PIM1: variants seen among roughly 807,000 people sequenced by gnomAD.
The protein encoded by PIM1 is Pim-1 proto-oncogene, serine/threonine kinase, also known as serine/threonine-protein kinase pim-1.
A neutral mutation model predicts 34.5 loss-of-function variants in PIM1; 9 were observed. That is an observed-to-expected ratio of 0.26 (90% CI 0.16 to 0.46). PIM1 has a LOEUF of 0.46. PIM1 is among the 20% of genes least tolerant of loss of function. The pLI, the probability that PIM1 is intolerant of heterozygous loss-of-function variation, is 1.00. For synonymous variants in PIM1, 199 were observed against 175.2 expected, an observed-to-expected ratio of 1.14 and a Z score of -1.07; for missense variants, 274 against 410.9, an observed-to-expected ratio of 0.67 and a Z score of 2.88.
At chr6:37,173,795 C>A in intron 5 of PIM1, 139 bp from the exon 6 acceptor site, 1 of 665,592 alleles carries the variant, frequency 1.5e-6, no homozygotes, top group Non-Finnish European at 2.5e-6. Context: ...TTGAAGGGTA[C>A]CCAGCACAGT....
chr6:37,175,123 G>A lies in PIM1; in HGVS notation c.*1032G>A, dbSNP rs1223782334. 1.7e-5 allele frequency: 4 copies of A among 233,434 alleles called. No individual in the cohort carries two copies. Among genetic ancestry groups the A allele is most frequent in the African/African-American group, 8.8e-5 (4 of 45,310 alleles). The allele number at this position is 233,434 out of a possible 1,614,324, so 14.5% of individuals were successfully genotyped here. On this transcript the variant is annotated 3_prime_UTR_variant, in exon 6 of 6. Coordinates refer to ENST00000373509, the MANE Select transcript of PIM1 (RefSeq NM_002648.4). ...GAGGGCTGCGACGCTTGCTCTGTTT[G>A]TGGGGTGACGGGACTCAGGCGGGAC...
intron 4 of PIM1, 47 bp downstream of exon 4, chr6:37,171,538 C>T (rs1451868710): frequency 6.3e-7 from 1 of 1,588,372 alleles, no homozygotes; most frequent in Non-Finnish European, 8.6e-7. Context: ...CGGCCCGGCC[C>T]GGCCCAGTCC....
In PIM1 at chr6:37,171,050, C is replaced by T; in HGVS notation, c.240+19C>T. On this transcript the variant is annotated intron_variant, in intron 3 of 5. Coordinates refer to ENST00000373509, the MANE Select transcript of PIM1 (RefSeq NM_002648.4). ...AGAGCTGGTGAGTGCCCTGCAGGAG[C>T]GACCCCCAGGATGAGTGGGTGGGGT... is the stretch of plus-strand genomic sequence containing the variant. 6.2e-7 allele frequency: 1 copy of T among 1,613,952 alleles called. No homozygotes were observed. Among genetic ancestry groups the T allele is most frequent in the Non-Finnish European group, 8.5e-7 (1 of 1,179,986 alleles).
Position 37,171,296 on chromosome 6 carries a change from G to A in PIM1, c.412G>A (p.Ala138Thr), listed in dbSNP as rs2113770208. The part of the protein sequence containing the change: ...DLFDFITERG[A>T]LQEELARSFF... ...CTTCGACTTCATCACGGAAAGGGGA[G>A]CCCTGCAAGAGGAGCTGGCCCGCAG... The change falls in exon 4 of 6, where the codon GCC becomes ACC. Residue 138 changes from alanine to threonine, a missense_variant. Transcript: ENST00000373509. The A allele has an allele frequency of 6.2e-7, 1 of 1,614,176 alleles. No homozygotes were observed. The highest frequency in any genetic ancestry group is 8.5e-7 in the Non-Finnish European group (1 of 1,180,044).
intron 4 of PIM1, 71 bp downstream of exon 4, chr6:37,171,562 A>G (rs1341908083): frequency 5.2e-6 from 8 of 1,538,072 alleles, no homozygotes; most frequent in South Asian, 1.2e-5. Context: ...GGCCTCGGCC[A>G]GTCTCCCGCG....
chr6:37,170,729 G>C lies in PIM1; in HGVS notation c.83-44G>C, dbSNP rs771385612. ...GGATCTCCTGGGTGGGGAGCTGGCGGCTCGCGGGCCGGCACTGAGTCCCCG... is the reference window on the plus strand; with the variant it reads ...GGATCTCCTGGGTGGGGAGCTGGCGCCTCGCGGGCCGGCACTGAGTCCCCG... On this transcript the variant is annotated intron_variant, in intron 1 of 5. Transcript: ENST00000373509. 6 of 1,605,132 alleles carry C rather than the reference G, an allele frequency of 3.7e-6. No homozygotes were observed. The East Asian group carries it at 1.3e-4, about 36-fold the overall frequency.
rs777624025 is a variant in PIM1 at position 37,172,916 on chromosome 6, A to G, written c.608-80A>G. ...GGGATTTTTTTTTTTTTTAAAAGAA[A>G]GAGTTATATATACCACCCAGCTTCT... is the stretch of plus-strand genomic sequence containing the variant. On this transcript the variant is annotated intron_variant, in intron 4 of 5. Transcript: ENST00000373509. 1.1e-4 allele frequency: 135 copies of G among 1,191,816 alleles called. 1 individual carries two copies. The highest frequency in any genetic ancestry group is 1.5e-4 in the Non-Finnish European group (124 of 821,980). The allele number at this position is 1,191,816 out of a possible 1,614,324, so 73.8% of individuals were successfully genotyped here. A position where few individuals can be genotyped will look rare whatever the true frequency, so the allele number is the denominator to read the frequency against.
At chr6:37,173,250 T>C (rs1175238835) in intron 5 of PIM1, 78 bp downstream of exon 5, 1 of 1,352,606 alleles carries the variant, frequency 7.4e-7, no homozygotes, top group Non-Finnish European at 1.0e-6. Context: ...GTCTTTGAAA[T>C]TCTGGAGAGC....
chr6:37,174,321 T>C lies in PIM1; in HGVS notation c.*230T>C. The C allele has an allele frequency of 3.7e-6, 1 of 268,004 alleles. No homozygotes were observed. The highest frequency in any genetic ancestry group is 6.8e-6 in the Non-Finnish European group (1 of 146,088). 16.6% of individuals were successfully genotyped at this position (268,004 alleles called of 1,614,324 possible). A position where few individuals can be genotyped will look rare whatever the true frequency, so the allele number is the denominator to read the frequency against. On this transcript the variant is annotated 3_prime_UTR_variant, in exon 6 of 6. Coordinates refer to ENST00000373509, the MANE Select transcript of PIM1 (RefSeq NM_002648.4). ...AGGCCTCAACTCCTCCCATAGATACTCTCTTCTTCTCATAGGTGTCCAGCA... is the reference window on the plus strand; with the variant it reads ...AGGCCTCAACTCCTCCCATAGATACCCTCTTCTTCTCATAGGTGTCCAGCA...
In PIM1 at chr6:37,170,338, G is replaced by C; in HGVS notation, c.-238G>C. 2 of 1,495,974 alleles carry C rather than the reference G, an allele frequency of 1.3e-6. No individual in the cohort carries two copies. The highest frequency in any genetic ancestry group is 1.8e-6 in the Non-Finnish European group (2 of 1,127,722). 92.7% of individuals were successfully genotyped at this position (1,495,974 alleles called of 1,614,324 possible). On this transcript the variant is annotated 5_prime_UTR_variant, in exon 1 of 6. Transcript: ENST00000373509. ...AGCCCCACGAGCCGCTCACCCCGCC[G>C]TTCTCAGCGCTGCCCGACCCCGCTG...
Position 37,175,193 on chromosome 6 carries a change from C to G in PIM1, c.*1102C>G, listed in dbSNP as rs1762388207. 4.3e-6 allele frequency: 1 copy of G among 233,754 alleles called. No homozygotes were observed. The highest frequency in any genetic ancestry group is 5.6e-5 in the Admixed American group (1 of 17,770). 14.5% of individuals were successfully genotyped at this position (233,754 alleles called of 1,614,324 possible). On this transcript the variant is annotated 3_prime_UTR_variant, in exon 6 of 6. Coordinates refer to ENST00000373509, the MANE Select transcript of PIM1 (RefSeq NM_002648.4). ...TTCTGTGGGGCCCCTCACCTACTTACCCAGGTGGGTCCCGGCTCTGTGGGT... is the reference window on the plus strand; with the variant it reads ...TTCTGTGGGGCCCCTCACCTACTTAGCCAGGTGGGTCCCGGCTCTGTGGGT...
In PIM1 at chr6:37,172,784, C is replaced by T. The variant is rs116952456; in HGVS notation, c.608-212C>T. 220 of 679,450 alleles carry T rather than the reference C, an allele frequency of 3.2e-4. No individual in the cohort carries two copies. In the East Asian group the frequency reaches 5.1e-3, roughly 16 times the overall value. 42.1% of individuals were successfully genotyped at this position (679,450 alleles called of 1,614,324 possible). A position where few individuals can be genotyped will look rare whatever the true frequency, so the allele number is the denominator to read the frequency against. The stretch of plus-strand genomic sequence containing the variant: ...AAAGAATTTCAGTTTATGGTTTGGG[C>T]TAGCAGAGAGGTGGGTAATGCTTTG... On this transcript the variant is annotated intron_variant, in intron 4 of 5. Coordinates refer to ENST00000373509, the MANE Select transcript of PIM1 (RefSeq NM_002648.4).
At chr6:37,172,593 A>T in intron 4 of PIM1, 1 of 457,596 alleles carries the variant, frequency 2.2e-6, no homozygotes, top group Non-Finnish European at 4.4e-6. Flanking sequence ...TGAGAATCTC[A>T]CCCGGGCTCC....
rs262926 is a variant in PIM1 at position 37,173,570 on chromosome 6, T to G, written c.785-364T>G. 6.5e-3 allele frequency among the ~76,000 whole-genome samples: 993 copies of G among 152,256 alleles called. 10 individuals are homozygous for G. The highest frequency in any genetic ancestry group is 0.023 in the African/African-American group (949 of 41,530). On this transcript the variant is annotated intron_variant, in intron 5 of 5. Coordinates refer to ENST00000373509, the MANE Select transcript of PIM1 (RefSeq NM_002648.4). Reference sequence around the variant, plus strand: ...ACCAGTGACCTCACTGTGGGTGGTGTTCGTGTTTGTAAGTTGGTAGGTGAA... The same window carrying G: ...ACCAGTGACCTCACTGTGGGTGGTGGTCGTGTTTGTAAGTTGGTAGGTGAA...
chr6:37,172,629 G>T, intron 4 of PIM1: 1 of 471,300 alleles, frequency 2.1e-6, no homozygotes, highest in South Asian at 1.5e-5. Flanking sequence ...GCAATTTAAG[G>T]ATAGTCTATG....
intron 4 of PIM1, 82 bp downstream of exon 4, chr6:37,171,573 C>G (rs1372057752): frequency 1.3e-6 from 2 of 1,512,612 alleles, no homozygotes; most frequent in East Asian, 4.6e-5. Flanking sequence ...GTCTCCCGCG[C>G]CAGCCTTTTG....
At position 37,174,576 on chromosome 6, in the gene PIM1, A is replaced by T; in HGVS notation, c.*485A>T. ...CGGCTGTGCTGGGAGAAATACTTGA[A>T]CTTGCCTCTTTTACCTGCTGCTTCT... On this transcript the variant is annotated 3_prime_UTR_variant, in exon 6 of 6. Transcript: ENST00000373509. 4.3e-6 allele frequency: 1 copy of T among 234,046 alleles called. No homozygotes were observed. 14.5% of individuals were successfully genotyped at this position (234,046 alleles called of 1,614,324 possible). A position where few individuals can be genotyped will look rare whatever the true frequency, so the allele number is the denominator to read the frequency against.
In PIM1 at chr6:37,173,057, G is replaced by A. The variant is rs1762336586; in HGVS notation, c.669G>A (p.Ala223=). 1.9e-6 allele frequency: 3 copies of A among 1,614,182 alleles called. No homozygotes were observed. The highest frequency in any genetic ancestry group is 2.2e-5 in the East Asian group (1 of 44,890). ...IRYHRYHGRS[A]AVWSLGILLY... ...ACCATCGCTACCATGGCAGGTCGGC[G>A]GCAGTCTGGTCCCTGGGGATCCTGC... The change falls in exon 5 of 6, where the codon GCG becomes GCA. Residue 223 remains alanine (A), a synonymous_variant. Coordinates refer to ENST00000373509, the MANE Select transcript of PIM1 (RefSeq NM_002648.4).
intron 4 of PIM1, 69 bp from the exon 5 acceptor site, chr6:37,172,927 T>C: frequency 7.6e-7 from 1 of 1,312,850 alleles, no homozygotes; most frequent in Non-Finnish European, 1.1e-6. Flanking sequence ...GAGTTATATA[T>C]ACCACCCAGC....
Sources: allele counts gnomAD v4.1 joint callset (sites outside exome capture counted in the v4.1 genomes callset), GRCh38; gene constraint gnomAD v4.1.1; transcripts MANE v1.5; gene names NCBI Gene and HGNC (gene_info 2026-07-23, HGNC 2026-07-21).